BTBD8: variants seen among roughly 807,000 people sequenced by gnomAD.
BTBD8 encodes the protein BTB/POZ domain-containing protein 8.
A neutral mutation model predicts 162.9 loss-of-function variants in BTBD8; 110 were observed. That is an observed-to-expected ratio of 0.68 (90% CI 0.58 to 0.79). The LOEUF is 0.79. Among genes scored for constraint, BTBD8 ranks in the 30% least tolerant of loss-of-function variants. The pLI, the probability that BTBD8 is intolerant of heterozygous loss-of-function variation, is 0.00. For synonymous variants in BTBD8, 667 were observed against 716.1 expected (o/e 0.93, Z 1.10); for missense variants, 1,905 against 2,085.4 (o/e 0.91, Z 1.68).
rs755882468 is a variant in BTBD8 at position 92,177,574 on chromosome 1, A to G, written c.2353+28A>G. 1.7e-5 allele frequency: 24 copies of G among 1,375,892 alleles called. No individual in the cohort carries two copies. The African/African-American group carries it at 3.2e-4, about 19-fold the overall frequency. The allele number at this position is 1,375,892 out of a possible 1,614,324, so 85.2% of individuals were successfully genotyped here. On this transcript the variant is annotated intron_variant, in intron 14 of 17. Transcript: ENST00000636805. Reference sequence around the variant, plus strand: ...GGGTTTTAGCACTGTAATTTTTAATATCTCCTGACAGTTAAATTTCCTTCA... The same window carrying G: ...GGGTTTTAGCACTGTAATTTTTAATGTCTCCTGACAGTTAAATTTCCTTCA...
At chr1:92,143,162 G>A (rs1330530440) in intron 7 of BTBD8, among the ~76,000 whole-genome samples, 1 of 152,184 alleles carries the variant, frequency 6.6e-6, no homozygotes, top group Admixed American at 6.5e-5. Flanking sequence ...ACATAGTGTG[G>A]TTGAAAGCAT....
chr1:92,167,710 A>T lies in BTBD8; in HGVS notation c.1306-138A>T, dbSNP rs564523342. 39 of 639,462 alleles carry T rather than the reference A, an allele frequency of 6.1e-5. 2 individuals are homozygous for T. The South Asian group carries it at 9.6e-4, about 16-fold the overall frequency. The allele number at this position is 639,462 out of a possible 1,614,324, so 39.6% of individuals were successfully genotyped here. A position where few individuals can be genotyped will look rare whatever the true frequency, so the allele number is the denominator to read the frequency against. The stretch of plus-strand genomic sequence containing the variant: ...GCTGCGTGCATATGCATATATGCGA[A>T]TTTTTTAACAAAGGGAAAAAATACG... On this transcript the variant is annotated intron_variant, in intron 10 of 17. Transcript: ENST00000636805.
At chr1:92,093,688 G>A (rs113626200) in intron 2 of BTBD8, among the ~76,000 whole-genome samples, 9 of 152,258 alleles carry the variant, frequency 5.9e-5, no homozygotes, top group African/African-American at 2.2e-4. Context: ...AAATGTGATG[G>A]TTATAAAGCA....
chr1:92,089,763 C>T (rs147263892), intron 2 of BTBD8, among the ~76,000 whole-genome samples: 1 of 152,296 alleles, frequency 6.6e-6, no homozygotes, highest in East Asian at 1.9e-4. Context: ...CTTCATACCA[C>T]CACATTGGGG....
intron 9 of BTBD8, among the ~76,000 whole-genome samples, chr1:92,160,806 G>C (rs1650257501): frequency 6.6e-6 from 1 of 152,092 alleles, no homozygotes; most frequent in Non-Finnish European, 1.5e-5. Flanking sequence ...CCCTCAGATG[G>C]CTAAGACATG....
chr1:92,181,579 G>T lies in BTBD8; in HGVS notation c.3896G>T (p.Arg1299Ile). 2 of 1,551,588 alleles carry T rather than the reference G, an allele frequency of 1.3e-6. No homozygotes were observed. Among genetic ancestry groups the T allele is most frequent in the Non-Finnish European group, 1.7e-6 (2 of 1,146,874 alleles). ...GTMLCHDFLG[R>I]SSSDTSTPEE... is the part of the protein sequence containing the mutation. ...ATGCTGTGCCATGATTTTCTTGGAA[G>T]AAGTAGCAGTGATACCAGTACTCCT... Residue 1299 changes from arginine to isoleucine, a missense_variant, in exon 17 of 18, where the codon AGA (arginine) becomes ATA (isoleucine). By Grantham distance (97) the Arg-to-Ile change is moderately conservative. Transcript: ENST00000636805.
intron 14 of BTBD8, 84 bp downstream of exon 14, chr1:92,177,630 T>C: frequency 1.0e-6 from 1 of 974,254 alleles, no homozygotes; most frequent in Middle Eastern, 2.9e-4. Context: ...GTATTTGGGC[T>C]TTTATTTAGT....
chr1:92,140,973 G>A, intron 6 of BTBD8, 142 bp from the exon 7 acceptor site: 2 of 950,418 alleles, frequency 2.1e-6, no homozygotes, highest in Non-Finnish European at 2.8e-6. Context: ...AAGGGTGTAT[G>A]TTATGTAAGG....
intron 3 of BTBD8, among the ~76,000 whole-genome samples, chr1:92,107,209 A>T (rs1648757285): frequency 6.6e-6 from 1 of 152,128 alleles, no homozygotes; most frequent in Non-Finnish European, 1.5e-5. Context: ...CTAATTAAGA[A>T]TTAATTAATT....
chr1:92,177,341 T>G lies in BTBD8; in HGVS notation c.2148T>G (p.Asp716Glu). The G allele has an allele frequency of 6.4e-7, 1 of 1,551,838 alleles. No individual in the cohort carries two copies. Among genetic ancestry groups the G allele is most frequent in the South Asian group, 1.2e-5 (1 of 84,068 alleles). ...CTTTGAAGAAAGCTACAGGGAAGGA[T>G]TCACCATGCCTCAGCATCGCAGGAC... Reference protein sequence around the residue: ...AKPLKKATGKDSPCLSIAGPS... With the variant: ...AKPLKKATGKESPCLSIAGPS... The change falls in exon 14 of 18, where the codon GAT (aspartate) becomes GAG (glutamate). Residue 716 changes from aspartate (D) to glutamate (E), a missense_variant. Around this residue, in one of 3 missense-constraint regions of BTBD8, gnomAD observed 1,374 missense variants for 1,442.7 expected, o/e 0.95. Transcript: ENST00000636805.
At chr1:92,157,522 C>G (rs2209337) in intron 9 of BTBD8, among the ~76,000 whole-genome samples, 96,460 of 152,020 alleles carry the variant, frequency 0.63, 31,104 homozygotes, top group East Asian at 0.97. Context: ...ATTTAGTTAA[C>G]AGATGGAGTC....
rs997195343 is a variant in BTBD8 at position 92,181,460 on chromosome 1, C to T, written c.3777C>T (p.Ser1259=). The change falls in exon 17 of 18, where the codon TCC becomes TCT. Residue 1259 remains serine (S), a synonymous_variant. Coordinates refer to ENST00000636805, the MANE Select transcript of BTBD8 (RefSeq NM_001376131.1). ...ESDTGSATTS[S]DDIKPRSEDY... The stretch of plus-strand genomic sequence containing the variant: ...ACACTGGCAGTGCTACCACCTCCTC[C>T]GATGACATAAAGCCCAGATCTGAAG... 5.2e-6 allele frequency: 8 copies of T among 1,551,528 alleles called. No homozygotes were observed. The Admixed American group carries it at 9.8e-5, about 19-fold the overall frequency.
chr1:92,116,385 GCTGAATTTTTGTCTACCTATC>G, intron 4 of BTBD8, among the ~76,000 whole-genome samples: 1 of 152,012 alleles, frequency 6.6e-6, no homozygotes, highest in African/African-American at 2.4e-5. Context: ...TGTATCCTTA[GCTGAATTTTTGTCTACCTATC>G]CTATTAATTA....
intron 3 of BTBD8, among the ~76,000 whole-genome samples, chr1:92,103,577 T>C (rs1648652905): frequency 6.6e-6 from 1 of 152,158 alleles, no homozygotes; most frequent in Admixed American, 6.5e-5. Context: ...GCCCATGCAG[T>C]GGGATTGCAC....
intron 11 of BTBD8, among the ~76,000 whole-genome samples, chr1:92,168,421 T>C (rs1650440492): frequency 6.6e-6 from 1 of 152,000 alleles, no homozygotes; most frequent in South Asian, 2.1e-4. Flanking sequence ...ATTTTAAAAT[T>C]AGGCTGGGAA....
intron 4 of BTBD8, chr1:92,115,800 T>C: frequency 4.8e-6 from 1 of 209,126 alleles, no homozygotes; most frequent in South Asian, 9.2e-5. Flanking sequence ...GCTTCACTTT[T>C]ACCATGATGT....
rs751664584 is a variant in BTBD8, at chr1:92,147,168, CA to C, written c.931-11del. Reference sequence around the variant, plus strand: ...GAAAAGGAATAAATATGGTGTTTTCCATCAATTTTAGCCTGTTCCCAGAACA... The same window carrying C: ...GAAAAGGAATAAATATGGTGTTTTCCTCAATTTTAGCCTGTTCCCAGAACA... On this transcript the variant is annotated splice_polypyrimidine_tract_variant and intron_variant, in intron 7 of 17. Transcript: ENST00000636805. 5 of 1,562,562 alleles carry C rather than the reference CA, an allele frequency of 3.2e-6. No individual in the cohort carries two copies. In the Admixed American group the frequency reaches 9.4e-5, roughly 29 times the overall value.
At chr1:92,174,722 G>A (rs1461113987) in intron 13 of BTBD8, among the ~76,000 whole-genome samples, 2 of 152,090 alleles carry the variant, frequency 1.3e-5, no homozygotes, top group East Asian at 3.9e-4. Flanking sequence ...AGACTGCTGT[G>A]AATAGGACCA....
At chr1:92,129,193 A>G (rs910205803) in intron 4 of BTBD8, among the ~76,000 whole-genome samples, 1 of 152,154 alleles carries the variant, frequency 6.6e-6, no homozygotes, top group African/African-American at 2.4e-5. Context: ...CAGCAAGGGC[A>G]TTGGAATTAA....
Sources: allele counts gnomAD v4.1 joint callset (sites outside exome capture counted in the v4.1 genomes callset), GRCh38; gene constraint gnomAD v4.1.1; regional missense constraint gnomAD v4.1.1; transcripts MANE v1.5; gene names NCBI Gene and HGNC (gene_info 2026-07-23, HGNC 2026-07-21).